The following TFB1M variants were observed in gnomAD, a reference collection of about 807,000 sequenced individuals.
TFB1M encodes the protein transcription factor B1, mitochondrial, also known as dimethyladenosine transferase 1, mitochondrial.
TFB1M carries 27 observed loss-of-function variants against 31.1 expected under a neutral mutation model. The ratio of observed to expected loss-of-function variants is 0.87; its 90% CI spans 0.64 to 1.20. TFB1M has a LOEUF of 1.20. TFB1M is among the 50% of genes most tolerant of loss of function. The pLI, the probability that TFB1M is intolerant of heterozygous loss-of-function variation, is 0.00. For synonymous variants in TFB1M, 166 were observed against 151.8 expected, an observed-to-expected ratio of 1.09 and a Z score of -0.69; for missense variants, 394 against 418.7, an observed-to-expected ratio of 0.94 and a Z score of 0.51.
chr6:155,270,364 A>C (rs1214480501), intron 5 of TFB1M, among the ~76,000 whole-genome samples: 3 of 152,204 alleles, frequency 2.0e-5, no homozygotes, highest in Non-Finnish European at 4.4e-5. Flanking sequence ...CTCTGGACTT[A>C]AAAGATTAAT....
the TFB1M span, chr6:155,250,013 T>C: frequency 6.0e-6 from 9 of 1,503,558 alleles, no homozygotes; most frequent in Non-Finnish European, 8.2e-6. Context: ...GCATGTGGTG[T>C]GGGGTCTGTA....
At position 155,305,719 on chromosome 6, in the gene TFB1M, A is replaced by G. The variant is rs1777728535; in HGVS notation, c.285+5469T>C. Among the ~76,000 whole-genome samples, 2 of 54,596 alleles carry G rather than the reference A, an allele frequency of 3.7e-5. 1 individual carries two copies. The highest frequency in any genetic ancestry group is 1.2e-4 in the African/African-American group (2 of 17,092). The allele number at this position is 54,596 out of a possible 152,430, so 35.8% of individuals were successfully genotyped here. On this transcript the variant is annotated intron_variant, in intron 2 of 6. Transcript: ENST00000367166. ...TATATAAATATATATTAAATTATAT[A>G]TTTATATATATATTAAATTATATAT...
intron 5 of TFB1M, chr6:155,275,632 C>A: frequency 7.7e-7 from 1 of 1,305,436 alleles, no homozygotes; most frequent in Non-Finnish European, 1.1e-6. Flanking sequence ...TTATTTGGTT[C>A]TCTACTGCAC....
chr6:155,250,310 T>TAA, the TFB1M span, among the ~76,000 whole-genome samples: 5 of 146,104 alleles, frequency 3.4e-5, no homozygotes, highest in African/African-American at 1.3e-4. Flanking sequence ...TTTTTTTTTT[T>TAA]AACATCAAAT....
At chr6:155,238,571 C>T in the TFB1M span, among the ~76,000 whole-genome samples, 4 of 152,318 alleles carry the variant, frequency 2.6e-5, no homozygotes, top group Admixed American at 6.5e-5. Context: ...AGGCCTGGAA[C>T]GTTACTGGGC....
chr6:155,266,395 TCACA>T (rs1036755606), intron 5 of TFB1M, among the ~76,000 whole-genome samples: 5 of 152,044 alleles, frequency 3.3e-5, no homozygotes, highest in African/African-American at 1.2e-4. Flanking sequence ...TGGGAAAGTA[TCACA>T]CAGTCAACTC....
intron 1 of TFB1M, among the ~76,000 whole-genome samples, chr6:155,312,766 C>T (rs1281649603): frequency 6.6e-6 from 1 of 151,988 alleles, no homozygotes; most frequent in Non-Finnish European, 1.5e-5. Context: ...AAGATAAAGG[C>T]TCATGAGAAA....
chr6:155,266,130 G>T (rs1784622873), intron 5 of TFB1M, among the ~76,000 whole-genome samples: 1 of 151,992 alleles, frequency 6.6e-6, no homozygotes, highest in South Asian at 2.1e-4. Flanking sequence ...ATACACCCAG[G>T]ATCAATACTT....
chr6:155,304,154 C>T (rs527947469), intron 2 of TFB1M, among the ~76,000 whole-genome samples: 2 of 152,120 alleles, frequency 1.3e-5, no homozygotes, highest in East Asian at 1.9e-4. Flanking sequence ...TGGTAGCGGG[C>T]GCCTGTAATT....
In TFB1M at chr6:155,257,583, TAGA is replaced by T. The variant is rs2114652092; in HGVS notation, c.*250_*252del. ...GTGCAGATACTTCATTTTTGTAAGA[TAGA>T]TTGTAATAGATGCTGTTTATACTAA... On this transcript the variant is annotated 3_prime_UTR_variant, in exon 7 of 7. Transcript: ENST00000367166. 1 of 40,248 alleles carries T rather than the reference TAGA, an allele frequency of 2.5e-5. No individual in the cohort carries two copies. The highest frequency in any genetic ancestry group is 3.6e-5 in the Non-Finnish European group (1 of 27,454). 2.5% of individuals were successfully genotyped at this position (40,248 alleles called of 1,614,324 possible).
chr6:155,256,558 T>C lies in TFB1M; in HGVS notation c.*1278A>G. 6.2e-7 allele frequency: 1 copy of C among 1,614,212 alleles called. No homozygotes were observed. The highest frequency in any genetic ancestry group is 8.5e-7 in the Non-Finnish European group (1 of 1,180,028). On this transcript the variant is annotated 3_prime_UTR_variant, in exon 7 of 7. Coordinates refer to ENST00000367166, the MANE Select transcript of TFB1M (RefSeq NM_016020.4). The stretch of plus-strand genomic sequence containing the variant: ...GACCGGTGAGACTGGCAAGGGAACC[T>C]TGCTGGACTCTGACGAGGGCAGCTT...
chr6:155,290,984 G>A (rs990383187), intron 4 of TFB1M, among the ~76,000 whole-genome samples: 1 of 152,186 alleles, frequency 6.6e-6, no homozygotes, highest in Admixed American at 6.5e-5. Context: ...GCTGGTCACT[G>A]AGACCAATTG....
intron 4 of TFB1M, among the ~76,000 whole-genome samples, chr6:155,286,728 G>A (rs1776674874): frequency 6.6e-6 from 1 of 150,768 alleles, no homozygotes; most frequent in Non-Finnish European, 1.5e-5. Context: ...TGTAATTCCA[G>A]TGCTTTGGGA....
At chr6:155,231,628 C>T in the TFB1M span, among the ~76,000 whole-genome samples, 1 of 149,700 alleles carries the variant, frequency 6.7e-6, no homozygotes, top group South Asian at 2.1e-4. Flanking sequence ...GTGGGCCCTG[C>T]CAGCTTCCCC....
intron 5 of TFB1M, among the ~76,000 whole-genome samples, chr6:155,279,317 G>T (rs1264501125): frequency 6.6e-6 from 1 of 151,672 alleles, no homozygotes; most frequent in African/African-American, 2.4e-5. Context: ...TAAGTCAGAA[G>T]AATTGGGTAC....
At chr6:155,275,594 T>G (rs923016914) in intron 5 of TFB1M, 2 of 919,660 alleles carry the variant, frequency 2.2e-6, no homozygotes, top group Non-Finnish European at 3.3e-6. Context: ...CGCTCAATCC[T>G]GGTTTTGCCT....
At chr6:155,254,362 T>TGGAAGCACGATGAAC (rs1783868083), downstream of TFB1M, 1 of 1,584,374 alleles carries the variant, frequency 6.3e-7, no homozygotes, top group Non-Finnish European at 8.6e-7. Flanking sequence ...GGGCGTGGAA[T>TGGAAGCACGATGAAC]GGAAGCACGA....
chr6:155,254,436 C>T (rs773606966), downstream of TFB1M: 2 of 1,612,274 alleles, frequency 1.2e-6, no homozygotes, highest in East Asian at 4.5e-5. Flanking sequence ...GAAAGCAAAA[C>T]CAACATTGTT....
chr6:155,256,950 CAG>C lies in TFB1M; in HGVS notation c.*884_*885del. Reference sequence around the variant, plus strand: ...GAAAAGCCAACAGCACCAAGAGGGACAGAGGAACTTTGCTCAAGGCGCAGATC... The same window carrying C: ...GAAAAGCCAACAGCACCAAGAGGGACAGGAACTTTGCTCAAGGCGCAGATC... On this transcript the variant is annotated 3_prime_UTR_variant, in exon 7 of 7. Transcript: ENST00000367166. The C allele has an allele frequency of 6.2e-7, 1 of 1,614,164 alleles. No individual in the cohort carries two copies. The highest frequency in any genetic ancestry group is 1.1e-5 in the South Asian group (1 of 91,074).
Sources: gnomAD v4.1 joint callset for allele counts (sites outside exome capture counted in the v4.1 genomes callset) on GRCh38, gnomAD v4.1.1 for gene constraint, MANE v1.5 for transcripts, NCBI Gene and HGNC (gene_info 2026-07-23, HGNC 2026-07-21) for gene names.